GALNT14: variants seen among roughly 807,000 people sequenced by gnomAD.
GALNT14 encodes UDP-GalNAc:polypeptide N-acetylgalactosaminyltransferase 14.
A neutral mutation model predicts 77.5 loss-of-function variants in GALNT14; 60 were observed. The observed-to-expected ratio is 0.77, with a 90% CI of 0.63 to 0.96. The LOEUF (loss-of-function observed/expected upper bound fraction) is 0.96, where lower values mean the gene tolerates loss of function less well. Ranked by LOEUF, GALNT14 falls within the 40% of genes least tolerant of loss-of-function variation. The pLI is 0.00. For missense variants in GALNT14, 710 were observed against 731.0 expected (o/e 0.97, Z 0.33); for synonymous variants, 280 against 281.7 (o/e 0.99, Z 0.06).
At chr2:30,966,094 A>T in intron 3 of GALNT14, 110 bp downstream of exon 3, 1 of 738,448 alleles carries the variant, frequency 1.4e-6, no homozygotes, top group Non-Finnish European at 2.4e-6. Flanking sequence ...CCTGGCACGT[A>T]GTTAGATGTG....
chr2:30,942,559 A>T (rs1666442449), intron 8 of GALNT14, among the ~76,000 whole-genome samples: 1 of 152,166 alleles, frequency 6.6e-6, no homozygotes, highest in Non-Finnish European at 1.5e-5. Flanking sequence ...CAGACAGGCA[A>T]ATTCACTCAT....
At chr2:30,946,554 C>T (rs546272944) in intron 6 of GALNT14, among the ~76,000 whole-genome samples, 4 of 152,238 alleles carry the variant, frequency 2.6e-5, no homozygotes, top group East Asian at 1.9e-4. Flanking sequence ...AGGTCTCCCC[C>T]GAAGCTGAAC....
At chr2:31,104,654 C>T (rs761736848) in intron 1 of GALNT14, among the ~76,000 whole-genome samples, 12 of 152,216 alleles carry the variant, frequency 7.9e-5, no homozygotes, top group Non-Finnish European at 1.5e-4. Context: ...TTCTCTGTTT[C>T]TCAAATCTTT....
At chr2:31,092,980 CTA>C (rs1676826909) in intron 1 of GALNT14, among the ~76,000 whole-genome samples, 2 of 152,186 alleles carry the variant, frequency 1.3e-5, no homozygotes, top group African/African-American at 4.8e-5. Flanking sequence ...CTCCTGGATG[CTA>C]TGTTTGTACA....
At chr2:30,897,569 C>T in the GALNT14 span, among the ~76,000 whole-genome samples, 1 of 152,220 alleles carries the variant, frequency 6.6e-6, no homozygotes, top group South Asian at 2.1e-4. Flanking sequence ...GGCACGGCCT[C>T]CCCATGAGAA....
At chr2:30,970,042 A>G (rs906024445) in intron 2 of GALNT14, among the ~76,000 whole-genome samples, 3 of 152,140 alleles carry the variant, frequency 2.0e-5, no homozygotes, top group African/African-American at 7.2e-5. Context: ...GACTATTACT[A>G]TGTTAGGTGA....
intron 1 of GALNT14, among the ~76,000 whole-genome samples, chr2:31,038,084 ATTTTTTTTTTT>A (rs1196402402): frequency 1.5e-3 from 77 of 52,568 alleles, no homozygotes; most frequent in South Asian, 2.5e-3. Context: ...ATATATATAT[ATTTTTTTTTTT>A]TTTTTTTTTT....
At chr2:30,934,153 T>C (rs188604460) in intron 9 of GALNT14, among the ~76,000 whole-genome samples, 2 of 152,296 alleles carry the variant, frequency 1.3e-5, no homozygotes, top group East Asian at 3.9e-4. Context: ...GGGGCACTGT[T>C]TGAATCGTTT....
chr2:30,997,793 ACATTTT>A (rs1670129048), intron 1 of GALNT14, among the ~76,000 whole-genome samples: 1 of 152,214 alleles, frequency 6.6e-6, no homozygotes, highest in African/African-American at 2.4e-5. Context: ...AGGCTAATTA[ACATTTT>A]CATTTCCTTA....
At chr2:31,114,827 C>T in intron 1 of GALNT14, 5 of 717,250 alleles carry the variant, frequency 7.0e-6, no homozygotes, top group Non-Finnish European at 1.3e-5. Context: ...AAGGTGTCCT[C>T]CTAAGTCCCA....
intron 2 of GALNT14, among the ~76,000 whole-genome samples, chr2:30,987,643 G>A (rs759237740): frequency 3.4e-4 from 52 of 152,066 alleles, no homozygotes; most frequent in Non-Finnish European, 6.6e-4. Context: ...CCACACCGCC[G>A]GTGCATCTGG....
intron 1 of GALNT14, among the ~76,000 whole-genome samples, chr2:31,097,078 T>C (rs1251372386): frequency 6.6e-6 from 1 of 152,130 alleles, no homozygotes; most frequent in African/African-American, 2.4e-5. Flanking sequence ...GGAGAGGGTC[T>C]CTGTATAGTA....
intron 8 of GALNT14, among the ~76,000 whole-genome samples, chr2:30,943,576 A>C (rs1480428883): frequency 1.3e-5 from 2 of 152,180 alleles, no homozygotes; most frequent in African/African-American, 4.8e-5. Flanking sequence ...CCCCTGCGAC[A>C]GAGGCAGGAA....
chr2:30,899,337 G>A, the GALNT14 span, among the ~76,000 whole-genome samples: 20 of 152,328 alleles, frequency 1.3e-4, 1 homozygote, highest in South Asian at 1.0e-3. Context: ...GGAAGGCTCC[G>A]CTCTGGGAAG....
At chr2:31,131,398 G>A (rs758439332) in intron 1 of GALNT14, among the ~76,000 whole-genome samples, 44 of 152,278 alleles carry the variant, frequency 2.9e-4, no homozygotes, top group South Asian at 6.2e-4. Flanking sequence ...GTGAGTCTAC[G>A]ATTCTAGGTC....
intron 1 of GALNT14, among the ~76,000 whole-genome samples, chr2:31,070,246 C>A (rs756497379): frequency 6.6e-6 from 1 of 152,178 alleles, no homozygotes; most frequent in Non-Finnish European, 1.5e-5. Context: ...TCAGTCAGGA[C>A]CTGGCACTCA....
chr2:31,019,168 T>A (rs1035507421), intron 1 of GALNT14, among the ~76,000 whole-genome samples: 3 of 152,166 alleles, frequency 2.0e-5, no homozygotes, highest in African/African-American at 7.2e-5. Context: ...TATGTCTCAC[T>A]TCTGGGACAG....
intron 1 of GALNT14, among the ~76,000 whole-genome samples, chr2:31,107,896 T>C (rs545259393): frequency 2.9e-4 from 44 of 152,248 alleles, no homozygotes; most frequent in Non-Finnish European, 5.4e-4. Context: ...TGCTCTCCCA[T>C]AGACCATCAG....
intron 13 of GALNT14, among the ~76,000 whole-genome samples, chr2:30,918,497 G>A (rs1192076490): frequency 1.3e-5 from 2 of 152,218 alleles, no homozygotes; most frequent in African/African-American, 4.8e-5. Context: ...TGACCAGGGG[G>A]AGCCAACAAG....
Sources: allele counts gnomAD v4.1 joint callset (sites outside exome capture counted in the v4.1 genomes callset), GRCh38; gene constraint gnomAD v4.1.1; transcripts MANE v1.5; gene names NCBI Gene and HGNC (gene_info 2026-07-23, HGNC 2026-07-21).